ACSM3: variants seen among roughly 807,000 people sequenced by gnomAD.
ACSM3 encodes acyl-CoA synthetase medium chain family member 3, also known as acyl-coenzyme A synthetase ACSM3, mitochondrial.
In ACSM3, 61 loss-of-function variants were observed where a neutral mutation model predicts 74.1. The ratio of observed to expected loss-of-function variants is 0.82; its 90% CI spans 0.67 to 1.02. ACSM3 has a LOEUF of 1.02. Ranked by LOEUF, ACSM3 falls within the 50% of genes least tolerant of loss-of-function variation. The pLI, the probability that ACSM3 is intolerant of heterozygous loss-of-function variation, is 0.00. For synonymous variants in ACSM3, 213 were observed against 241.5 expected (o/e 0.88, Z 1.09); for missense variants, 660 against 697.0 (o/e 0.95, Z 0.60).
Position 20,683,575 on chromosome 16 carries a change from A to AT in ACSM3, c.-190+8754dup, listed in dbSNP as rs1327662703. Among the ~76,000 whole-genome samples the AT allele has an allele frequency of 3.4e-5, 5 of 148,894 alleles. No homozygotes were observed. In the East Asian group the frequency reaches 7.9e-4, roughly 24 times the overall value. On this transcript the variant is annotated intron_variant, in intron 1 of 3. Coordinates refer to the ACSM3 transcript ENST00000561584. ...TTTCAAAATGGCCATGCCTCACCCCATGCTTGGAATGTCCTTCCTTTGTTT... is the reference window on the plus strand; with the variant it reads ...TTTCAAAATGGCCATGCCTCACCCCATTGCTTGGAATGTCCTTCCTTTGTTT...
chr16:20,791,678 G>A (rs1183111961), intron 10 of ACSM3, among the ~76,000 whole-genome samples: 1 of 152,152 alleles, frequency 6.6e-6, no homozygotes, highest in East Asian at 1.9e-4. Flanking sequence ...TGTAATCTCA[G>A]CACTTTGGGA....
chr16:20,783,696 C>T (rs1237877721), intron 7 of ACSM3: 2 of 152,186 alleles, frequency 1.3e-5, no homozygotes, highest in African/African-American at 4.8e-5. Flanking sequence ...AGTCTTGCTT[C>T]AAACCTTGTC....
At position 20,790,960 on chromosome 16, in the gene ACSM3, C is replaced by T. The variant is rs2080584449; in HGVS notation, c.1326+272C>T. On this transcript the variant is annotated intron_variant, in intron 10 of 13. Coordinates refer to ENST00000289416, the MANE Select transcript of ACSM3 (RefSeq NM_005622.4). The surrounding 1 kb of genome is among the most constrained non-coding windows in gnomAD (Gnocchi z 4.0). ...AGAAAGAGGACAGCCTCTTAACATC[C>T]CCTGATCCTCTCAATTATCAAACAA... 2 of 1,599,018 alleles carry T rather than the reference C, an allele frequency of 1.3e-6. No homozygotes were observed. The highest frequency in any genetic ancestry group is 1.7e-6 in the Non-Finnish European group (2 of 1,174,586).
chr16:20,784,900 A>T, intron 7 of ACSM3, 84 bp from the exon 8 acceptor site: 2 of 1,466,448 alleles, frequency 1.4e-6, no homozygotes, highest in Non-Finnish European at 1.8e-6. Context: ...AACATTTTAT[A>T]TTGAAGTTCA....
chr16:20,746,051 C>T (rs2079956291), intron 1 of ACSM3, among the ~76,000 whole-genome samples: 1 of 152,220 alleles, frequency 6.6e-6, no homozygotes, highest in Admixed American at 6.5e-5. Flanking sequence ...AGTTCAAATT[C>T]TGCTTTGGCC....
intron 5 of ACSM3, 31 bp from the exon 6 acceptor site, chr16:20,780,943 T>C (rs953855930): frequency 6.2e-7 from 1 of 1,613,060 alleles, no homozygotes; most frequent in African/African-American, 1.3e-5. Flanking sequence ...TATTTTCCTA[T>C]GTACATCAGG....
chr16:20,776,417 T>C (rs2080256163), intron 3 of ACSM3, among the ~76,000 whole-genome samples: 1 of 152,198 alleles, frequency 6.6e-6, no homozygotes, highest in Admixed American at 6.5e-5. Flanking sequence ...ATGCCAGACA[T>C]GTGTTCCCCA....
At chr16:20,736,733 G>A (rs973132987) in intron 1 of ACSM3, 28 of 767,148 alleles carry the variant, frequency 3.6e-5, no homozygotes, top group Middle Eastern at 3.8e-4. Context: ...TGTTAACAGG[G>A]CTGCGCAATC....
intron 1 of ACSM3, chr16:20,736,142 A>T (rs1395466392): frequency 6.6e-6 from 1 of 152,220 alleles, no homozygotes; most frequent in Non-Finnish European, 1.5e-5. Flanking sequence ...GGGACAGGAG[A>T]GCTTGGACTG....
At chr16:20,678,736 C>T (rs1016917169) in intron 1 of ACSM3, among the ~76,000 whole-genome samples, 1 of 152,226 alleles carries the variant, frequency 6.6e-6, no homozygotes, top group Admixed American at 6.5e-5. Flanking sequence ...ATATAGCCTA[C>T]AGACTGCAGA....
intron 12 of ACSM3, among the ~76,000 whole-genome samples, chr16:20,795,672 G>C (rs1383681319): frequency 2.6e-5 from 4 of 152,170 alleles, no homozygotes; most frequent in Non-Finnish European, 5.9e-5. Context: ...CCAGCTCCGG[G>C]CTGGTAATCT....
At chr16:20,699,918 T>C (rs1017725699) in intron 1 of ACSM3, among the ~76,000 whole-genome samples, 50 of 152,078 alleles carry the variant, frequency 3.3e-4, no homozygotes, top group African/African-American at 1.2e-3. Flanking sequence ...TTTCCCAACC[T>C]CTCTTAAAGC....
intron 1 of ACSM3, among the ~76,000 whole-genome samples, chr16:20,708,737 G>T (rs1204754058): frequency 6.6e-6 from 1 of 152,118 alleles, no homozygotes; most frequent in Non-Finnish European, 1.5e-5. Flanking sequence ...AAATTCCAAT[G>T]ATATTTTTAA....
rs151064311 is a variant in ACSM3, at chr16:20,781,120, C to G, written c.929C>G (p.Ser310Cys). 1.1e-5 allele frequency: 17 copies of G among 1,613,920 alleles called. No homozygotes were observed. The highest frequency in any genetic ancestry group is 1.4e-5 in the Non-Finnish European group (17 of 1,179,962). ...THHLPRFEPT[S>C]ILQTLSKYPI... ...CATTTACCCCGTTTTGAGCCGACTT[C>G]TATCTTGCAAGTAAGCCAAAGCACA... Residue 310 changes from serine to cysteine, a missense_variant, in exon 6 of 14, where the codon TCT becomes TGT. Coordinates refer to ENST00000289416, the MANE Select transcript of ACSM3 (RefSeq NM_005622.4).
intron 1 of ACSM3, among the ~76,000 whole-genome samples, chr16:20,731,169 T>G (rs1340361176): frequency 1.3e-5 from 2 of 152,158 alleles, no homozygotes; most frequent in Non-Finnish European, 2.9e-5. Flanking sequence ...CTCAGCCCCT[T>G]CCTGAGATTT....
chr16:20,699,238 T>C (rs941123272), intron 1 of ACSM3, among the ~76,000 whole-genome samples: 5 of 152,164 alleles, frequency 3.3e-5, no homozygotes, highest in African/African-American at 9.7e-5. Context: ...GATAGTGATA[T>C]TGCATTGGAT....
In ACSM3 at chr16:20,711,604, T is replaced by G; in HGVS notation, c.-190+36782T>G. ...AGTAGTGGAGTCCATTGCACTGGAG[T>G]GTCCTGACTTTAAGACCAAACTCCT... On this transcript the variant is annotated intron_variant, in intron 1 of 3. Coordinates refer to the ACSM3 transcript ENST00000561584. The G allele has an allele frequency of 2.5e-6, 3 of 1,214,988 alleles. No homozygotes were observed. In the South Asian group the frequency reaches 3.8e-5, roughly 15 times the overall value. 75.3% of individuals were successfully genotyped at this position (1,214,988 alleles called of 1,614,324 possible).
chr16:20,787,215 C>CAGG (rs1294102150), intron 9 of ACSM3, among the ~76,000 whole-genome samples: 1 of 152,204 alleles, frequency 6.6e-6, no homozygotes, highest in Non-Finnish European at 1.5e-5. Context: ...AAGTTGAAAA[C>CAGG]ATCCTAAGTC....
Position 20,792,247 on chromosome 16 carries a change from G to T in ACSM3, c.1466G>T (p.Gly489Val), listed in dbSNP as rs147098227. 18 of 1,613,950 alleles carry T rather than the reference G, an allele frequency of 1.1e-5. No homozygotes were observed. The highest frequency in any genetic ancestry group is 1.3e-5 in the Non-Finnish European group (15 of 1,179,988). ...ATATGTGTTTCTAGCTATCGAATTG[G>T]ACCATTTGAGGTAGAAAATGCCCTG... ...DVILSSGYRI[G>V]PFEVENALNE... Residue 489 changes from glycine (G) to valine (V), a missense_variant, in exon 12 of 14, where the codon GGA (glycine) becomes GTA (valine). By Grantham distance (109) the Gly-to-Val change is moderately radical. Transcript: ENST00000289416.
Sources: allele counts gnomAD v4.1 joint callset (sites outside exome capture counted in the v4.1 genomes callset), GRCh38; gene constraint gnomAD v4.1.1; non-coding constraint Gnocchi (gnomAD v3.1); transcripts MANE v1.5; gene names NCBI Gene and HGNC (gene_info 2026-07-23, HGNC 2026-07-21).